RPS6KA2: variants seen among roughly 807,000 people sequenced by gnomAD.
The protein encoded by RPS6KA2 is ribosomal protein S6 kinase A2.
RPS6KA2 carries 42 observed loss-of-function variants against 91.8 expected under a neutral mutation model. That is an observed-to-expected ratio of 0.46 (90% CI 0.36 to 0.59). The LOEUF is 0.59. RPS6KA2 is among the 20% of genes least tolerant of loss of function. The pLI is 0.00. For missense variants in RPS6KA2, 798 were observed against 978.5 expected, an observed-to-expected ratio of 0.82 and a Z score of 2.46; for synonymous variants, 414 against 393.6, an observed-to-expected ratio of 1.05 and a Z score of -0.61.
At chr6:166,754,287 G>A (rs1464910467) in intron 2 of RPS6KA2, among the ~76,000 whole-genome samples, 2 of 152,210 alleles carry the variant, frequency 1.3e-5, no homozygotes, top group African/African-American at 2.4e-5. Context: ...ACAACTGTCA[G>A]CGAAAAGAGA....
intron 11 of RPS6KA2, among the ~76,000 whole-genome samples, chr6:166,466,815 TTCACTCACTCCC>T (rs1040500031): frequency 9.9e-5 from 15 of 151,932 alleles, no homozygotes; most frequent in African/African-American, 3.6e-4. Context: ...CACTCCCTCA[TTCACTCACTCCC>T]TCACTCACTC....
At chr6:166,702,641 G>T in intron 2 of RPS6KA2, 5 of 1,571,898 alleles carry the variant, frequency 3.2e-6, no homozygotes, top group Non-Finnish European at 4.4e-6. Context: ...ACTTCTATGG[G>T]TTTCCCGTGC....
Position 166,500,753 on chromosome 6 carries a change from T to C in RPS6KA2, c.604+134A>G. The C allele has an allele frequency of 1.3e-6, 1 of 786,424 alleles. No individual in the cohort carries two copies. Among genetic ancestry groups the C allele is most frequent in the East Asian group, 2.6e-5 (1 of 38,366 alleles). The allele number at this position is 786,424 out of a possible 1,614,324, so 48.7% of individuals were successfully genotyped here. On this transcript the variant is annotated intron_variant, in intron 7 of 20. Transcript: ENST00000265678. The surrounding 1 kb of genome is among the most constrained non-coding windows in gnomAD (Gnocchi z 4.3). ...ATAAGCAGTCTGTAGCTATAGAAAA[T>C]TCTGCCAAATCAGAGACAAGCATCT...
At chr6:166,720,117 C>G (rs1790131115) in intron 2 of RPS6KA2, among the ~76,000 whole-genome samples, 2 of 152,144 alleles carry the variant, frequency 1.3e-5, no homozygotes, top group Non-Finnish European at 2.9e-5. Context: ...TGAAATAATT[C>G]AAGGCACACT....
chr6:166,640,619 T>C (rs954081558), intron 2 of RPS6KA2, among the ~76,000 whole-genome samples: 1 of 152,180 alleles, frequency 6.6e-6, no homozygotes, highest in African/African-American at 2.4e-5. Flanking sequence ...ATGAGAATGC[T>C]AGATAAAACA....
At chr6:166,605,164 G>A (rs1398327298) in intron 1 of RPS6KA2, among the ~76,000 whole-genome samples, 1 of 152,178 alleles carries the variant, frequency 6.6e-6, no homozygotes, top group Non-Finnish European at 1.5e-5. Context: ...CTGCACAGGG[G>A]CCCTGGCCCC....
intron 2 of RPS6KA2, among the ~76,000 whole-genome samples, chr6:166,848,949 T>C (rs1780670870): frequency 6.6e-6 from 1 of 152,058 alleles, no homozygotes; most frequent in Non-Finnish European, 1.5e-5. Flanking sequence ...TATATATATA[T>C]ATGTGGGTCC....
chr6:166,621,045 A>G (rs921787139), intron 1 of RPS6KA2, among the ~76,000 whole-genome samples: 2 of 152,176 alleles, frequency 1.3e-5, no homozygotes, highest in African/African-American at 4.8e-5. Context: ...CAGCCTGGGG[A>G]GCTTTGCACA....
At chr6:166,851,850 C>T (rs1050366142) in intron 2 of RPS6KA2, among the ~76,000 whole-genome samples, 14 of 152,202 alleles carry the variant, frequency 9.2e-5, no homozygotes, top group Non-Finnish European at 1.6e-4. Context: ...AAGGAATAAC[C>T]AGAAGGAGGG....
intron 2 of RPS6KA2, among the ~76,000 whole-genome samples, chr6:166,824,903 G>A (rs1189887385): frequency 6.6e-6 from 1 of 152,168 alleles, no homozygotes; most frequent in East Asian, 1.9e-4. Context: ...GTGTGTATGT[G>A]TGTCTGAACT....
At chr6:166,572,671 G>A (rs1337298607) in intron 1 of RPS6KA2, among the ~76,000 whole-genome samples, 5 of 152,248 alleles carry the variant, frequency 3.3e-5, no homozygotes, top group Non-Finnish European at 5.9e-5. Flanking sequence ...GGGGACCAGG[G>A]TGGCTGAACC....
At chr6:166,707,908 T>C (rs1006445535) in intron 2 of RPS6KA2, among the ~76,000 whole-genome samples, 7 of 152,160 alleles carry the variant, frequency 4.6e-5, no homozygotes, top group African/African-American at 1.7e-4. Flanking sequence ...CGTGCCCAGA[T>C]AATTTTTGAA....
chr6:166,762,835 C>T (rs189435837), intron 2 of RPS6KA2, among the ~76,000 whole-genome samples: 2 of 152,262 alleles, frequency 1.3e-5, no homozygotes, highest in East Asian at 1.9e-4. Context: ...CTGTGGGCAC[C>T]GAGGCTACTG....
At chr6:166,765,992 T>C (rs1583094992) in intron 2 of RPS6KA2, among the ~76,000 whole-genome samples, 1 of 152,214 alleles carries the variant, frequency 6.6e-6, no homozygotes, top group African/African-American at 2.4e-5. Context: ...GTCAATATCA[T>C]AATGGCTGTG....
chr6:166,614,439 T>C (rs897157962), intron 1 of RPS6KA2, among the ~76,000 whole-genome samples: 1 of 152,194 alleles, frequency 6.6e-6, no homozygotes, highest in African/African-American at 2.4e-5. Context: ...GTGTTCACCT[T>C]CTGTGACCAG....
chr6:166,859,404 G>A (rs1178047557), intron 1 of RPS6KA2, among the ~76,000 whole-genome samples: 1 of 152,176 alleles, frequency 6.6e-6, no homozygotes, highest in African/African-American at 2.4e-5. Flanking sequence ...TAACCCCGCT[G>A]AAAGCAATGA....
intron 1 of RPS6KA2, among the ~76,000 whole-genome samples, chr6:166,556,562 A>G (rs141041007): frequency 2.0e-5 from 3 of 152,324 alleles, no homozygotes; most frequent in Non-Finnish European, 4.4e-5. Flanking sequence ...GAATCCCACC[A>G]CTAACCTATA....
In RPS6KA2 at chr6:166,710,616, T is replaced by G. The variant is rs191889870; in HGVS notation, c.123+147584A>C. 1.7e-3 allele frequency among the ~76,000 whole-genome samples: 266 copies of G among 152,196 alleles called. 1 individual carries two copies. Among genetic ancestry groups the G allele is most frequent in the Non-Finnish European group, 3.4e-3 (233 of 67,984 alleles). On this transcript the variant is annotated intron_variant, in intron 2 of 21. Transcript: ENST00000503859. ...CTTTTGATTACATCCTGGAGGTGCATGTGTTATGCATCCTTCTTCTCTTCC... is the reference window on the plus strand; with the variant it reads ...CTTTTGATTACATCCTGGAGGTGCAGGTGTTATGCATCCTTCTTCTCTTCC...
intron 10 of RPS6KA2, among the ~76,000 whole-genome samples, chr6:166,476,467 G>A (rs940954563): frequency 2.6e-5 from 4 of 152,172 alleles, no homozygotes; most frequent in Admixed American, 1.3e-4. Context: ...CGTGTTTCTC[G>A]CTACACTGTG....
Sources: allele counts gnomAD v4.1 joint callset (sites outside exome capture counted in the v4.1 genomes callset), GRCh38; gene constraint gnomAD v4.1.1; non-coding constraint Gnocchi (gnomAD v3.1); transcripts MANE v1.5; gene names NCBI Gene and HGNC (gene_info 2026-07-23, HGNC 2026-07-21).